CLIC4: variants seen among roughly 807,000 people sequenced by gnomAD.
The protein encoded by CLIC4 is CLIC family member 4.
CLIC4 carries 13 observed loss-of-function variants against 24.6 expected under a neutral mutation model. That is an observed-to-expected ratio of 0.53 (90% CI 0.34 to 0.84). CLIC4 has a LOEUF of 0.84. Among genes scored for constraint, CLIC4 ranks in the 40% least tolerant of loss-of-function variants. The pLI, the probability that CLIC4 is intolerant of heterozygous loss-of-function variation, is 0.01. For missense variants in CLIC4, 227 were observed against 301.7 expected (o/e 0.75, Z 1.83); for synonymous variants, 104 against 111.3 (o/e 0.93, Z 0.41).
chr1:24,820,821 A>G (rs1449748075), intron 3 of CLIC4, among the ~76,000 whole-genome samples: 1 of 152,202 alleles, frequency 6.6e-6, no homozygotes, highest in East Asian at 1.9e-4. Context: ...TGTGCTGAAA[A>G]CATACATATG....
chr1:24,781,087 C>CAAAA (rs1228000908), intron 1 of CLIC4, among the ~76,000 whole-genome samples: 1 of 61,942 alleles, frequency 1.6e-5, no homozygotes, highest in African/African-American at 7.1e-5. Context: ...AACTCCATCT[C>CAAAA]AAAAAAAAAA....
intron 1 of CLIC4, among the ~76,000 whole-genome samples, chr1:24,759,287 T>C (rs192329214): frequency 1.3e-5 from 2 of 152,324 alleles, no homozygotes; most frequent in Admixed American, 6.5e-5. Context: ...GGGATCATAA[T>C]AGAAGCAAAC....
At chr1:24,747,697 A>T (rs1239859565) in intron 1 of CLIC4, among the ~76,000 whole-genome samples, 1 of 152,166 alleles carries the variant, frequency 6.6e-6, no homozygotes, top group Non-Finnish European at 1.5e-5. Context: ...AATAATCTGT[A>T]AAACATGATA....
At chr1:24,810,599 A>G (rs1639602466) in intron 2 of CLIC4, among the ~76,000 whole-genome samples, 2 of 152,154 alleles carry the variant, frequency 1.3e-5, no homozygotes, top group Admixed American at 6.5e-5. Context: ...TGAGATCCTC[A>G]TCTCTACAAA....
intron 1 of CLIC4, among the ~76,000 whole-genome samples, chr1:24,760,583 CCTTCACTTGATACA>C (rs1638915167): frequency 6.6e-6 from 1 of 152,030 alleles, no homozygotes; most frequent in Non-Finnish European, 1.5e-5. Context: ...GCTGATATTT[CCTTCACTTGATACA>C]CTTTTGGCTT....
At chr1:24,814,743 C>T (rs1639651622) in intron 3 of CLIC4, among the ~76,000 whole-genome samples, 1 of 152,168 alleles carries the variant, frequency 6.6e-6, no homozygotes, top group Admixed American at 6.5e-5. Context: ...TCTCTAGGTC[C>T]TGGATGTACT....
intron 2 of CLIC4, among the ~76,000 whole-genome samples, chr1:24,799,771 C>A: frequency 9.0e-6 from 1 of 111,096 alleles, no homozygotes; most frequent in Non-Finnish European, 1.9e-5. Flanking sequence ...CCCTGCCCGG[C>A]CAGCTGCCCC....
At position 24,840,968 on chromosome 1, in the gene CLIC4, T is replaced by C; in HGVS notation, c.*31T>C. Reference sequence around the variant, plus strand: ...CGTTTGTAAAAGAGATGTCTTCATGTCTTCCCCTAAGAATACGCTTTTCCT... The same window carrying C: ...CGTTTGTAAAAGAGATGTCTTCATGCCTTCCCCTAAGAATACGCTTTTCCT... On this transcript the variant is annotated 3_prime_UTR_variant, in exon 6 of 6. Transcript: ENST00000374379. 1 of 1,567,602 alleles carries C rather than the reference T, an allele frequency of 6.4e-7. No homozygotes were observed. Among genetic ancestry groups the C allele is most frequent in the Non-Finnish European group, 8.7e-7 (1 of 1,155,988 alleles).
chr1:24,792,265 G>A (rs988301792), intron 1 of CLIC4, among the ~76,000 whole-genome samples: 3 of 151,676 alleles, frequency 2.0e-5, no homozygotes, highest in East Asian at 1.9e-4. Flanking sequence ...ATCATGGCTC[G>A]CTGCAGTCTT....
At chr1:24,755,489 T>C (rs1638835507) in intron 1 of CLIC4, among the ~76,000 whole-genome samples, 2 of 151,086 alleles carry the variant, frequency 1.3e-5, no homozygotes, top group Non-Finnish European at 2.9e-5. Context: ...TGAGTGCCTC[T>C]AGACCTAGCT....
chr1:24,773,908 C>CT (rs915933045), intron 1 of CLIC4, among the ~76,000 whole-genome samples: 1 of 151,720 alleles, frequency 6.6e-6, no homozygotes, highest in East Asian at 1.9e-4. Flanking sequence ...CAGAGATGCA[C>CT]TTTTTTTTGA....
At chr1:24,753,878 C>A (rs375022774) in intron 1 of CLIC4, among the ~76,000 whole-genome samples, 32 of 152,158 alleles carry the variant, frequency 2.1e-4, no homozygotes, top group East Asian at 1.5e-3. Context: ...CTTCAAACTT[C>A]CCCCCGTCTT....
chr1:24,797,713 T>C (rs1409027076), intron 1 of CLIC4, 29 bp from the exon 2 acceptor site: 1 of 1,510,974 alleles, frequency 6.6e-7, no homozygotes, highest in South Asian at 1.2e-5. Flanking sequence ...ACTTTGACCT[T>C]GTTTTTAATG....
chr1:24,819,690 C>G (rs182646477), intron 3 of CLIC4, among the ~76,000 whole-genome samples: 1 of 151,910 alleles, frequency 6.6e-6, no homozygotes, highest in South Asian at 2.1e-4. Flanking sequence ...CCACCCGCCT[C>G]GGCCTCCCAG....
chr1:24,826,094 C>A (rs1012006151), intron 3 of CLIC4, among the ~76,000 whole-genome samples: 1 of 152,124 alleles, frequency 6.6e-6, no homozygotes, highest in Non-Finnish European at 1.5e-5. Flanking sequence ...GAAATATACA[C>A]AGAGTATGTG....
At chr1:24,823,796 A>T (rs1485509368) in intron 3 of CLIC4, among the ~76,000 whole-genome samples, 3 of 150,984 alleles carry the variant, frequency 2.0e-5, no homozygotes, top group Non-Finnish European at 3.0e-5. Flanking sequence ...AAAAAAAGAC[A>T]TACAAAAAAG....
At chr1:24,831,123 G>C (rs926491604) in intron 4 of CLIC4, among the ~76,000 whole-genome samples, 1 of 152,100 alleles carries the variant, frequency 6.6e-6, no homozygotes, top group Non-Finnish European at 1.5e-5. Context: ...TACTAACACC[G>C]TAGTCAGGTA....
intron 2 of CLIC4, among the ~76,000 whole-genome samples, chr1:24,811,652 T>G (rs950845693): frequency 6.6e-6 from 1 of 152,004 alleles, no homozygotes; most frequent in Non-Finnish European, 1.5e-5. Flanking sequence ...AAAAAAAATT[T>G]TTTTATAGAG....
At chr1:24,831,364 T>C (rs1324608920) in intron 4 of CLIC4, among the ~76,000 whole-genome samples, 1 of 152,186 alleles carries the variant, frequency 6.6e-6, no homozygotes, top group Non-Finnish European at 1.5e-5. Context: ...TGTCTTGCAC[T>C]GACGAATACT....
Sources: gnomAD v4.1 joint callset for allele counts (sites outside exome capture counted in the v4.1 genomes callset) on GRCh38, gnomAD v4.1.1 for gene constraint, MANE v1.5 for transcripts, NCBI Gene and HGNC (gene_info 2026-07-23, HGNC 2026-07-21) for gene names.